Variants in PCMTD2 observed in about 807,000 individuals in gnomAD.
PCMTD2 encodes the protein protein-L-isoaspartate O-methyltransferase domain-containing protein 2.
PCMTD2 carries 16 observed loss-of-function variants against 33.4 expected under a neutral mutation model. That is an observed-to-expected ratio of 0.48 (90% CI 0.32 to 0.73). The LOEUF is 0.73. Ranked by LOEUF, PCMTD2 falls within the 30% of genes least tolerant of loss-of-function variation. The pLI is 0.03. For synonymous variants in PCMTD2, 161 were observed against 160.8 expected (o/e 1.00, Z -0.01); for missense variants, 374 against 449.9 (o/e 0.83, Z 1.53).
chr20:64,260,502 C>G (rs749565914), intron 2 of PCMTD2, among the ~76,000 whole-genome samples: 5 of 152,146 alleles, frequency 3.3e-5, no homozygotes, highest in Non-Finnish European at 7.3e-5. Context: ...GTTCTCTGTC[C>G]CCTCTTCCTG....
Position 64,273,735 on chromosome 20 carries a change from G to A in PCMTD2, c.*135G>A. ...AACTGCTGGGCTCATCCACACCATG[G>A]TTTTCTTCTAGTTCCTGATTGACCT... On this transcript the variant is annotated 3_prime_UTR_variant, in exon 6 of 6. Transcript: ENST00000308824. 3.3e-6 allele frequency: 2 copies of A among 604,772 alleles called. No homozygotes were observed. Among genetic ancestry groups the A allele is most frequent in the South Asian group, 3.2e-5 (1 of 31,540 alleles). The allele number at this position is 604,772 out of a possible 1,614,324, so 37.5% of individuals were successfully genotyped here.
chr20:64,269,820 G>A (rs997443866), intron 5 of PCMTD2, among the ~76,000 whole-genome samples: 2 of 148,840 alleles, frequency 1.3e-5, no homozygotes, highest in Non-Finnish European at 3.0e-5. Context: ...ATGTGAATGT[G>A]GGCACGCGTG....
intron 5 of PCMTD2, among the ~76,000 whole-genome samples, chr20:64,269,621 T>C (rs916862142): frequency 6.6e-6 from 1 of 152,176 alleles, no homozygotes; most frequent in African/African-American, 2.4e-5. Context: ...ACATACGTGA[T>C]ATGGGGTCAT....
intron 4 of PCMTD2, among the ~76,000 whole-genome samples, chr20:64,266,180 C>T (rs1266912356): frequency 6.6e-6 from 1 of 152,060 alleles, no homozygotes; most frequent in South Asian, 2.1e-4. Flanking sequence ...GTGACCCTTC[C>T]GCCTCAGCAT....
Position 64,268,116 on chromosome 20 carries a change from C to T in PCMTD2, c.706+106C>T, listed in dbSNP as rs575289378. The T allele has an allele frequency of 3.1e-5, 19 of 619,680 alleles. 1 individual carries two copies. In the African/African-American group the frequency reaches 3.9e-4, roughly 13 times the overall value. 38.4% of individuals were successfully genotyped at this position (619,680 alleles called of 1,614,324 possible). A position where few individuals can be genotyped will look rare whatever the true frequency, so the allele number is the denominator to read the frequency against. On this transcript the variant is annotated intron_variant, in intron 5 of 5. Coordinates refer to ENST00000308824, the MANE Select transcript of PCMTD2 (RefSeq NM_018257.3). ...ACAAACCTTTTGATATTAAAAAGCA[C>T]CACTCCCATGCTGAAACTGTAAAAT...
rs1986010590 is a variant in PCMTD2, at chr20:64,273,784, A to G, written c.*184A>G. On this transcript the variant is annotated 3_prime_UTR_variant, in exon 6 of 6. Transcript: ENST00000308824. Reference sequence around the variant, plus strand: ...CTCTAAAATTCTATTCAGTTGTATGATTTGTTTACATAGTTCCACAAGACC... The same window carrying G: ...CTCTAAAATTCTATTCAGTTGTATGGTTTGTTTACATAGTTCCACAAGACC... 1 of 469,252 alleles carries G rather than the reference A, an allele frequency of 2.1e-6. No homozygotes were observed. The allele number at this position is 469,252 out of a possible 1,614,324, so 29.1% of individuals were successfully genotyped here.
At chr20:64,265,759 A>G (rs182166302) in intron 4 of PCMTD2, 18 of 238,746 alleles carry the variant, frequency 7.5e-5, no homozygotes, top group African/African-American at 4.1e-4. Context: ...TTTAATTCTA[A>G]TTGTTAATCT....
chr20:64,262,007 C>G (rs985929176), intron 2 of PCMTD2, among the ~76,000 whole-genome samples: 1 of 152,154 alleles, frequency 6.6e-6, no homozygotes, highest in Non-Finnish European at 1.5e-5. Flanking sequence ...AATCTCAGCA[C>G]TTTGGGAGGC....
intron 5 of PCMTD2, among the ~76,000 whole-genome samples, chr20:64,270,279 CAT>C (rs1205268667): frequency 3.0e-5 from 4 of 135,346 alleles, no homozygotes; most frequent in Non-Finnish European, 6.2e-5. Flanking sequence ...GATGTGGGGT[CAT>C]GTGAGTGCGG....
Position 64,268,032 on chromosome 20 carries a change from T to A in PCMTD2, c.706+22T>A, listed in dbSNP as rs762422077. On this transcript the variant is annotated intron_variant, in intron 5 of 5. Coordinates refer to ENST00000308824, the MANE Select transcript of PCMTD2 (RefSeq NM_018257.3). ...TTACGTAAGTATACCAATCTTTACT[T>A]ATTTTATCTTTTAGATCTTTTCTCT... The A allele has an allele frequency of 3.2e-6, 5 of 1,577,494 alleles. No individual in the cohort carries two copies. In the African/African-American group the frequency reaches 6.8e-5, roughly 21 times the overall value.
At chr20:64,270,052 G>C (rs1985838375) in intron 5 of PCMTD2, among the ~76,000 whole-genome samples, 1 of 148,306 alleles carries the variant, frequency 6.7e-6, no homozygotes. Context: ...AGTGCATGGC[G>C]TGGGGTCTTG....
At chr20:64,269,298 G>C (rs1412427207) in intron 5 of PCMTD2, among the ~76,000 whole-genome samples, 1 of 152,218 alleles carries the variant, frequency 6.6e-6, no homozygotes, top group Non-Finnish European at 1.5e-5. Context: ...CAGAGCCTTA[G>C]CAGAGTTTGG....
At chr20:64,267,749 AT>A in intron 4 of PCMTD2, 137 bp from the exon 5 acceptor site, 1 of 691,518 alleles carries the variant, frequency 1.4e-6, no homozygotes, top group South Asian at 2.1e-5. Context: ...GGCACATCAC[AT>A]TAGGGGTCCG....
At chr20:64,258,413 GACC>G in intron 1 of PCMTD2, among the ~76,000 whole-genome samples, 1 of 152,284 alleles carries the variant, frequency 6.6e-6, no homozygotes, top group East Asian at 1.9e-4. Context: ...TTAATGACTG[GACC>G]ATCCTATTGA....
chr20:64,261,570 A>G (rs993894072), intron 2 of PCMTD2, among the ~76,000 whole-genome samples: 1 of 149,246 alleles, frequency 6.7e-6, no homozygotes, highest in African/African-American at 2.6e-5. Flanking sequence ...TCCGTCTATA[A>G]TTGATTTTTG....
At chr20:64,264,015 TTAA>T (rs775171187) in intron 2 of PCMTD2, among the ~76,000 whole-genome samples, 39 of 151,966 alleles carry the variant, frequency 2.6e-4, no homozygotes, top group Admixed American at 7.8e-4. Flanking sequence ...TAGTTTTATC[TTAA>T]TGATGATGAT....
At chr20:64,257,556 C>G (rs1420058076) in intron 1 of PCMTD2, among the ~76,000 whole-genome samples, 1 of 152,102 alleles carries the variant, frequency 6.6e-6, no homozygotes, top group Non-Finnish European at 1.5e-5. Flanking sequence ...GCTTTGTTGT[C>G]GGTGTTTTTG....
At chr20:64,272,189 C>T in intron 5 of PCMTD2, 1 of 365,886 alleles carries the variant, frequency 2.7e-6, no homozygotes, top group Non-Finnish European at 5.6e-6. Context: ...TTCTGAAGAA[C>T]AGTGGAGATG....
intron 5 of PCMTD2, among the ~76,000 whole-genome samples, chr20:64,269,966 G>A (rs1985829614): frequency 6.7e-6 from 1 of 148,856 alleles, no homozygotes; most frequent in Non-Finnish European, 1.5e-5. Context: ...GGGCGTGCAC[G>A]GTGTGGGGTC....
Sources: gnomAD v4.1 joint callset for allele counts (sites outside exome capture counted in the v4.1 genomes callset) on GRCh38, gnomAD v4.1.1 for gene constraint, MANE v1.5 for transcripts, NCBI Gene and HGNC (gene_info 2026-07-23, HGNC 2026-07-21) for gene names.